The following CYP2C19 variants were observed in gnomAD, a reference collection of about 807,000 sequenced individuals.
CYP2C19 encodes cytochrome P450 2C19.
In CYP2C19, 59 loss-of-function variants were observed where a neutral mutation model predicts 40.9. The ratio of observed to expected loss-of-function variants is 1.44; its 90% CI spans 1.17 to 1.79. The LOEUF (loss-of-function observed/expected upper bound fraction) is 1.79, where lower values mean the gene tolerates loss of function less well. Among genes scored for constraint, CYP2C19 ranks in the 40% most tolerant of loss-of-function variants. CYP2C19 has a pLI of 0.00. For synonymous variants in CYP2C19, 253 were observed against 208.7 expected (o/e 1.21, Z -1.83); for missense variants, 754 against 596.9 (o/e 1.26, Z -2.74).
chr10:94,821,561 T>C (rs1217329473), intron 6 of CYP2C19, among the ~76,000 whole-genome samples: 3 of 152,204 alleles, frequency 2.0e-5, no homozygotes, highest in Non-Finnish European at 4.4e-5. Context: ...ACAGTTTCTG[T>C]GAAATTGGTG....
At chr10:94,809,992 C>T (rs1234597547) in intron 5 of CYP2C19, among the ~76,000 whole-genome samples, 1 of 152,112 alleles carries the variant, frequency 6.6e-6, no homozygotes, top group East Asian at 1.9e-4. Context: ...AGTGTTTCTC[C>T]TGCCTTAGCC....
At chr10:94,852,541 C>T (rs1439741457) in intron 8 of CYP2C19, among the ~76,000 whole-genome samples, 192 bp from the exon 9 acceptor site, 1 of 152,188 alleles carries the variant, frequency 6.6e-6, no homozygotes, top group Non-Finnish European at 1.5e-5. Flanking sequence ...TCCATCCATT[C>T]ATCCATTAAT....
At chr10:94,832,704 C>G (rs1158978430) in intron 6 of CYP2C19, among the ~76,000 whole-genome samples, 1 of 151,850 alleles carries the variant, frequency 6.6e-6, no homozygotes, top group Non-Finnish European at 1.5e-5. Context: ...GTGATTCCTC[C>G]AGTTTTGTTT....
At chr10:94,775,808 AT>A in intron 3 of CYP2C19, 1 of 537,820 alleles carries the variant, frequency 1.9e-6, no homozygotes. Flanking sequence ...CAAATAAGAA[AT>A]GATGAATATA....
intron 6 of CYP2C19, among the ~76,000 whole-genome samples, chr10:94,830,579 G>T (rs571134705): frequency 3.9e-5 from 6 of 152,036 alleles, no homozygotes; most frequent in African/African-American, 7.2e-5. Context: ...GAGATGAACC[G>T]GGTACCTCAG....
Position 94,854,370 on chromosome 10 carries a change from C to T in CYP2C19, c.*1456C>T, listed in dbSNP as rs1849701977. ...AGGGTTTAATCTTTTTCAGCTTCTC[C>T]TATATTGTTTTAGTTTTAACATTAG... On this transcript the variant is annotated 3_prime_UTR_variant, in exon 9 of 9. Transcript: ENST00000371321. 6.6e-6 allele frequency among the ~76,000 whole-genome samples: 1 copy of T among 152,034 alleles called. No homozygotes were observed. The highest frequency in any genetic ancestry group is 2.4e-5 in the African/African-American group (1 of 41,396).
At chr10:94,775,626 A>T in intron 3 of CYP2C19, 87 bp downstream of exon 3, 1 of 1,607,350 alleles carries the variant, frequency 6.2e-7, no homozygotes, top group South Asian at 1.1e-5. Context: ...GGGTGGCCAG[A>T]TCTTTTATTT....
At chr10:94,797,386 C>T (rs546074881) in intron 5 of CYP2C19, among the ~76,000 whole-genome samples, 5 of 152,126 alleles carry the variant, frequency 3.3e-5, no homozygotes, top group South Asian at 2.1e-4. Context: ...CTGCTGGATT[C>T]GGTTTGCCAG....
chr10:94,851,633 G>C (rs144855159), intron 8 of CYP2C19, among the ~76,000 whole-genome samples: 1 of 152,208 alleles, frequency 6.6e-6, no homozygotes, highest in South Asian at 2.1e-4. Flanking sequence ...AGATTGAGGT[G>C]TCAGCAAGTT....
intron 5 of CYP2C19, among the ~76,000 whole-genome samples, chr10:94,784,400 G>A (rs1284042228): frequency 6.6e-6 from 1 of 151,838 alleles, no homozygotes; most frequent in Non-Finnish European, 1.5e-5. Context: ...TCATTCTTGG[G>A]TGTATTCTCA....
rs554764981 is a variant in CYP2C19, at chr10:94,829,792, A to T, written c.961+9155A>T. Among the ~76,000 whole-genome samples, 11 of 151,210 alleles carry T rather than the reference A, an allele frequency of 7.3e-5. No individual in the cohort carries two copies. In the East Asian group the frequency reaches 2.0e-3, roughly 27 times the overall value. On this transcript the variant is annotated intron_variant, in intron 6 of 8. Transcript: ENST00000371321. Reference sequence around the variant, plus strand: ...TTTCCCCATCTTTGTGGTTTTATCTACTTTTGGTCTTTGATGATGGTGATG... The same window carrying T: ...TTTCCCCATCTTTGTGGTTTTATCTTCTTTTGGTCTTTGATGATGGTGATG...
chr10:94,820,515 C>G lies in CYP2C19; in HGVS notation c.839C>G (p.Ser280Cys), dbSNP rs58744432. The change falls in exon 6 of 9, where the codon TCT (serine) becomes TGT (cysteine). Residue 280 changes from serine (S) to cysteine (C), a missense_variant. Ser to Cys is a moderately radical substitution (Grantham distance 112). Coordinates refer to ENST00000371321, the MANE Select transcript of CYP2C19 (RefSeq NM_000769.4). ...TCCTAGGAAAAGCAAAACCAACAGT[C>G]TGAATTCACTATTGAAAACTTGGTA... is the stretch of plus-strand genomic sequence containing the variant. ...KMEKEKQNQQ[S>C]EFTIENLVIT... 1.2e-6 allele frequency: 2 copies of G among 1,614,156 alleles called. No homozygotes were observed. The highest frequency in any genetic ancestry group is 1.7e-5 in the Admixed American group (1 of 60,012).
intron 8 of CYP2C19, among the ~76,000 whole-genome samples, chr10:94,851,673 G>A (rs1278630742): frequency 6.6e-6 from 1 of 151,940 alleles, no homozygotes; most frequent in Non-Finnish European, 1.5e-5. Context: ...GTTCCTTATT[G>A]ATAATACCCC....
intron 6 of CYP2C19, among the ~76,000 whole-genome samples, chr10:94,836,886 G>T (rs1452845533): frequency 6.6e-6 from 1 of 152,184 alleles, no homozygotes; most frequent in African/African-American, 2.4e-5. Flanking sequence ...AGAGTGTCCA[G>T]GTATGAGAAT....
chr10:94,845,502 G>A (rs1481229064), intron 7 of CYP2C19, among the ~76,000 whole-genome samples: 2 of 152,150 alleles, frequency 1.3e-5, no homozygotes, highest in Non-Finnish European at 2.9e-5. Context: ...AGAATTTTCT[G>A]CAAAGATGCT....
chr10:94,844,870 G>A (rs1036772749), intron 7 of CYP2C19, among the ~76,000 whole-genome samples: 3 of 152,190 alleles, frequency 2.0e-5, no homozygotes, highest in Admixed American at 1.3e-4. Flanking sequence ...GAAGAATCAG[G>A]ATGAGTCGCC....
intron 1 of CYP2C19, among the ~76,000 whole-genome samples, chr10:94,770,747 A>G (rs4414147): frequency 0.28 from 42,915 of 152,060 alleles, 7,394 homozygotes; most frequent in Admixed American, 0.43. Context: ...GTTATGGTGG[A>G]CATCATTGAA....
chr10:94,780,234 T>C (rs1387041316), intron 3 of CYP2C19, among the ~76,000 whole-genome samples: 2 of 152,166 alleles, frequency 1.3e-5, no homozygotes, highest in East Asian at 3.9e-4. Context: ...TTTTTTTCTT[T>C]CCAAAGTAAA....
chr10:94,838,462 G>T (rs911098853), intron 6 of CYP2C19, among the ~76,000 whole-genome samples: 4 of 152,154 alleles, frequency 2.6e-5, no homozygotes, highest in Admixed American at 1.3e-4. Flanking sequence ...AGCCATCAGG[G>T]TTATCTGATC....
Sources: allele counts gnomAD v4.1 joint callset (sites outside exome capture counted in the v4.1 genomes callset), GRCh38; gene constraint gnomAD v4.1.1; transcripts MANE v1.5; gene names NCBI Gene and HGNC (gene_info 2026-07-23, HGNC 2026-07-21).